The following NLRP14 variants were observed in gnomAD, a reference collection of about 807,000 sequenced individuals.
The protein encoded by NLRP14 is NLR family pyrin domain containing 14, also known as NACHT, LRR and PYD domains-containing protein 14.
A neutral mutation model predicts 94.7 loss-of-function variants in NLRP14; 105 were observed. The observed-to-expected ratio is 1.11, with a 90% CI of 0.95 to 1.30. NLRP14 has a LOEUF of 1.30. Among genes scored for constraint, NLRP14 ranks in the 50% most tolerant of loss-of-function variants. The pLI is 0.00. For synonymous variants in NLRP14, 508 were observed against 459.9 expected (o/e 1.10, Z -1.34); for missense variants, 1,362 against 1,254.1 (o/e 1.09, Z -1.30).
At chr11:7,080,240 C>T in the NLRP14 span, among the ~76,000 whole-genome samples, 2 of 152,296 alleles carry the variant, frequency 1.3e-5, no homozygotes, top group African/African-American at 4.8e-5. Context: ...TGTGGGTCTG[C>T]ACTAATTCCT....
intron 1 of NLRP14, among the ~76,000 whole-genome samples, chr11:7,025,871 C>T (rs1249827043): frequency 6.6e-6 from 1 of 151,974 alleles, no homozygotes; most frequent in Admixed American, 6.6e-5. Flanking sequence ...TGGGAAAATT[C>T]AATATTTGTG....
chr11:7,076,461 C>G (rs1489647457), downstream of NLRP14, among the ~76,000 whole-genome samples: 2 of 152,056 alleles, frequency 1.3e-5, no homozygotes, highest in African/African-American at 2.4e-5. Flanking sequence ...TTGGATTCTT[C>G]TGATTCCCAG....
rs1433888015 is a variant in NLRP14 at position 7,020,538 on chromosome 11, T to C, written c.-254T>C. On this transcript the variant is annotated 5_prime_UTR_variant, in exon 1 of 12. Transcript: ENST00000299481. ...GGATAAGGCGAGGACGCACCAGCATTAATGGAATAGGAGAACTCCCGAAGC... is the reference window on the plus strand; with the variant it reads ...GGATAAGGCGAGGACGCACCAGCATCAATGGAATAGGAGAACTCCCGAAGC... The C allele has an allele frequency of 2.6e-5, 4 of 152,270 alleles. No homozygotes were observed. The highest frequency in any genetic ancestry group is 2.6e-4 in the Admixed American group (4 of 15,282). 9.4% of individuals were successfully genotyped at this position (152,270 alleles called of 1,614,324 possible).
chr11:7,090,373 T>G, the NLRP14 span: 1 of 1,480,624 alleles, frequency 6.8e-7, no homozygotes, highest in Non-Finnish European at 9.2e-7. Context: ...GTATGGTAAC[T>G]ACCCAAGGAC....
At position 7,064,562 on chromosome 11, in the gene NLRP14, T is replaced by C. The variant is rs1352617274; in HGVS notation, c.2975+2059T>C. On this transcript the variant is annotated intron_variant, in intron 10 of 11. Coordinates refer to ENST00000299481, the MANE Select transcript of NLRP14 (RefSeq NM_176822.4). ...ACACCAATGAAATCAGTTTGTGCCA[T>C]CCCAGTGGCTAGAACTTCACCTATT... Among the ~76,000 whole-genome samples, 2 of 152,116 alleles carry C rather than the reference T, an allele frequency of 1.3e-5. 1 individual carries two copies. The highest frequency in any genetic ancestry group is 4.8e-5 in the African/African-American group (2 of 41,434).
At chr11:7,088,069 CAAAT>C in the NLRP14 span, among the ~76,000 whole-genome samples, 1 of 151,970 alleles carries the variant, frequency 6.6e-6, no homozygotes, top group Non-Finnish European at 1.5e-5. Context: ...GCAATTCTAT[CAAAT>C]AAAAAACAAG....
chr11:7,070,557 A>G, intron 11 of NLRP14, 101 bp downstream of exon 11: 1 of 784,974 alleles, frequency 1.3e-6, no homozygotes, highest in Non-Finnish European at 2.2e-6. Flanking sequence ...ATTGTGTATC[A>G]TTGGGTATTT....
At chr11:7,057,885 G>A (rs375782057) in intron 7 of NLRP14, 38 bp downstream of exon 7, 3 of 1,564,634 alleles carry the variant, frequency 1.9e-6, no homozygotes, top group African/African-American at 1.4e-5. Context: ...GAGTCATTTT[G>A]CTTGGTTCTG....
Position 7,043,101 on chromosome 11 carries a change from A to C in NLRP14, c.1075A>C (p.Asn359His). ...GAAAGTATTCAGTTCACTAAAAAGC[A>C]ATGAGATGCTGTTTAGCATGTGCCA... is the stretch of plus-strand genomic sequence containing the variant. Reference protein sequence around the residue: ...AMKVFSSLKSNEMLFSMCQVP... With the variant: ...AMKVFSSLKSHEMLFSMCQVP... The change falls in exon 4 of 12, where the codon AAT becomes CAT. Residue 359 changes from asparagine (N) to histidine (H), a missense_variant. By Grantham distance (68) the Asn-to-His change is moderately conservative. Transcript: ENST00000299481. 6.2e-7 allele frequency: 1 copy of C among 1,614,188 alleles called. No homozygotes were observed. The highest frequency in any genetic ancestry group is 1.7e-5 in the Admixed American group (1 of 60,018).
intron 1 of NLRP14, among the ~76,000 whole-genome samples, chr11:7,035,333 C>A (rs138911449): frequency 1.3e-5 from 2 of 152,074 alleles, no homozygotes; most frequent in African/African-American, 2.4e-5. Context: ...TCCAAAAAAA[C>A]GAAGTTGTTC....
intron 5 of NLRP14, among the ~76,000 whole-genome samples, chr11:7,048,051 C>T (rs1201286687): frequency 6.6e-6 from 1 of 152,150 alleles, no homozygotes; most frequent in Non-Finnish European, 1.5e-5. Flanking sequence ...TGAGCCACCA[C>T]ACCTGGCTAT....
In NLRP14 at chr11:7,046,794, T is replaced by C. The variant is rs1290232903; in HGVS notation, c.2085T>C (p.His695=). The change falls in exon 5 of 12, where the codon CAT becomes CAC. Residue 695 remains histidine (H), a synonymous_variant. Coordinates refer to ENST00000299481, the MANE Select transcript of NLRP14 (RefSeq NM_176822.4). ...AATCAGCAATGAATATCCTGCATCA[T>C]GAACTAAGGCACCCAAACTGTAAAC... ...LDKSAMNILH[H]ELRHPNCKLQ... is the part of the protein sequence containing the mutation. The C allele has an allele frequency of 1.2e-6, 2 of 1,613,904 alleles. No individual in the cohort carries two copies. The highest frequency in any genetic ancestry group is 1.7e-5 in the Admixed American group (1 of 60,028).
At chr11:7,070,590 T>G in intron 11 of NLRP14, 134 bp downstream of exon 11, 1 of 659,166 alleles carries the variant, frequency 1.5e-6, no homozygotes, top group Non-Finnish European at 2.7e-6. Context: ...TTTGTTTTTC[T>G]GTCATAGAAC....
chr11:7,050,914 T>C (rs943010039), intron 6 of NLRP14, among the ~76,000 whole-genome samples: 3 of 152,226 alleles, frequency 2.0e-5, no homozygotes, highest in African/African-American at 7.2e-5. Flanking sequence ...CTGTTTCCTA[T>C]ATCTAAAAAT....
intron 11 of NLRP14, 57 bp downstream of exon 11, chr11:7,070,513 G>A: frequency 8.0e-7 from 1 of 1,256,964 alleles, no homozygotes; most frequent in Non-Finnish European, 1.2e-6. Flanking sequence ...GATTTGGGGA[G>A]CCACTCATTA....
Position 7,038,576 on chromosome 11 carries a change from A to T in NLRP14, c.-11A>T, listed in dbSNP as rs999791909. 7 of 1,613,110 alleles carry T rather than the reference A, an allele frequency of 4.3e-6. No homozygotes were observed. The highest frequency in any genetic ancestry group is 2.7e-5 in the African/African-American group (2 of 74,972). On this transcript the variant is annotated 5_prime_UTR_variant, in exon 2 of 12. Coordinates refer to ENST00000299481, the MANE Select transcript of NLRP14 (RefSeq NM_176822.4). Reference sequence around the variant, plus strand: ...TTTTTCCCCCCACAGAGGCCTGAATATTTGGACAAGATGGCAGATTCATCA... The same window carrying T: ...TTTTTCCCCCCACAGAGGCCTGAATTTTTGGACAAGATGGCAGATTCATCA...
chr11:7,090,762 C>T, the NLRP14 span: 1 of 177,694 alleles, frequency 5.6e-6, no homozygotes, highest in Non-Finnish European at 1.3e-5. Flanking sequence ...GGGTATCTTT[C>T]AAACTGAATC....
chr11:7,030,515 C>T (rs1032621035), intron 1 of NLRP14, among the ~76,000 whole-genome samples: 1 of 151,340 alleles, frequency 6.6e-6, no homozygotes, highest in Non-Finnish European at 1.5e-5. Flanking sequence ...TAGGACCCAC[C>T]CCCACTTTTC....
chr11:7,042,023 C>A (rs1315363814), intron 3 of NLRP14, among the ~76,000 whole-genome samples: 1 of 138,182 alleles, frequency 7.2e-6, no homozygotes, highest in African/African-American at 2.7e-5. Context: ...TGCCTCTGTT[C>A]TTTTTTTTTT....
Sources: gnomAD v4.1 joint callset for allele counts (sites outside exome capture counted in the v4.1 genomes callset) on GRCh38, gnomAD v4.1.1 for gene constraint, MANE v1.5 for transcripts, NCBI Gene and HGNC (gene_info 2026-07-23, HGNC 2026-07-21) for gene names.